KALRN: variants seen among roughly 807,000 people sequenced by gnomAD.
KALRN encodes the protein kalirin RhoGEF kinase.
A neutral mutation model predicts 353.7 loss-of-function variants in KALRN; 70 were observed. The observed-to-expected ratio is 0.20, with a 90% confidence interval of 0.16 to 0.24. The LOEUF (loss-of-function observed/expected upper bound fraction) is 0.24. KALRN is among the 10% of genes least tolerant of loss of function. The pLI is 1.00. For missense variants in KALRN, 2,791 were observed against 3,756.7 expected (o/e 0.74, Z 6.72); for synonymous variants, 1,391 against 1,434.8 (o/e 0.97, Z 0.69).
At chr3:124,623,399 T>TACACACACACACACACAC (rs372330681) in intron 34 of KALRN, among the ~76,000 whole-genome samples, 4,242 of 136,424 alleles carry the variant, frequency 0.031, 213 homozygotes, top group African/African-American at 0.097. Flanking sequence ...TATTTATTTA[T>TACACACACACACACACAC]ACACACACAC....
chr3:124,099,617 G>GT (rs2061698451), intron 1 of KALRN, among the ~76,000 whole-genome samples: 1 of 152,144 alleles, frequency 6.6e-6, no homozygotes, highest in Admixed American at 6.5e-5. Context: ...TCTATTTTTA[G>GT]TTTTTATGAG....
At chr3:124,231,783 A>T (rs1406268936) in intron 2 of KALRN, among the ~76,000 whole-genome samples, 1 of 151,936 alleles carries the variant, frequency 6.6e-6, no homozygotes, top group Non-Finnish European at 1.5e-5. Flanking sequence ...TGTGTCTGTG[A>T]TGCATATCCA....
At chr3:124,609,387 TG>T in intron 34 of KALRN, among the ~76,000 whole-genome samples, 1 of 152,290 alleles carries the variant, frequency 6.6e-6, no homozygotes, top group Admixed American at 6.5e-5. Context: ...CCTGATAGTT[TG>T]GGGGTCTCTG....
intron 34 of KALRN, among the ~76,000 whole-genome samples, chr3:124,573,591 T>C (rs1240358991): frequency 6.6e-6 from 1 of 152,130 alleles, no homozygotes; most frequent in Non-Finnish European, 1.5e-5. Context: ...AGCCTTGACC[T>C]CCCAGGTTCA....
At chr3:124,691,491 C>A (rs1205783699) in intron 51 of KALRN, among the ~76,000 whole-genome samples, 1 of 151,966 alleles carries the variant, frequency 6.6e-6, no homozygotes, top group Non-Finnish European at 1.5e-5. Context: ...ATTTGGGAAG[C>A]CCACATAAGA....
At chr3:124,399,789 G>A (rs2090629617) in intron 13 of KALRN, among the ~76,000 whole-genome samples, 1 of 152,118 alleles carries the variant, frequency 6.6e-6, no homozygotes, top group Non-Finnish European at 1.5e-5. Flanking sequence ...GTAAATTTAT[G>A]TCCCCTTTCT....
intron 2 of KALRN, among the ~76,000 whole-genome samples, chr3:124,229,228 A>G (rs1158620161): frequency 6.6e-6 from 1 of 152,234 alleles, no homozygotes; most frequent in Non-Finnish European, 1.5e-5. Context: ...ACCCTTTAAG[A>G]AAAAGTCCGG....
chr3:124,457,059 TGA>T (rs1362915217), intron 23 of KALRN, among the ~76,000 whole-genome samples: 2 of 135,526 alleles, frequency 1.5e-5, no homozygotes, highest in African/African-American at 5.1e-5. Flanking sequence ...TTCTGCCTTC[TGA>T]TTTTTTTTTT....
chr3:124,336,755 C>G (rs1355988927), intron 9 of KALRN, among the ~76,000 whole-genome samples: 1 of 152,176 alleles, frequency 6.6e-6, no homozygotes, highest in Non-Finnish European at 1.5e-5. Flanking sequence ...TCATCACTTT[C>G]TTGTTTGTAA....
At chr3:124,355,559 G>C (rs1006527771) in intron 10 of KALRN, among the ~76,000 whole-genome samples, 1 of 152,080 alleles carries the variant, frequency 6.6e-6, no homozygotes, top group Non-Finnish European at 1.5e-5. Context: ...GCTTAATTCA[G>C]GTGTAACTTC....
chr3:124,459,373 T>C (rs1204950600), intron 23 of KALRN, among the ~76,000 whole-genome samples: 1 of 152,224 alleles, frequency 6.6e-6, no homozygotes, highest in African/African-American at 2.4e-5. Context: ...GAGGTTTTCA[T>C]AAATTGAACT....
rs1423133177 is a variant in KALRN, at chr3:124,611,224, A to AG, written c.5183-21196_5183-21195insG. Among the ~76,000 whole-genome samples, 39 of 152,234 alleles carry AG rather than the reference A, an allele frequency of 2.6e-4. No individual in the cohort carries two copies. The East Asian group carries it at 7.3e-3, about 29-fold the overall frequency. ...AGAATGGGCTCTGTGGGATCTGGGGAAGGACCGCCTAGGTAGAGAGAGAAG... is the reference window on the plus strand; with the variant it reads ...AGAATGGGCTCTGTGGGATCTGGGGAGAGGACCGCCTAGGTAGAGAGAGAAG... On this transcript the variant is annotated intron_variant, in intron 34 of 59. Coordinates refer to ENST00000682506, the MANE Select transcript of KALRN (RefSeq NM_001388419.1).
At chr3:124,286,082 C>CTTTGTTTCTTT (rs1553893894) in intron 5 of KALRN, among the ~76,000 whole-genome samples, 2 of 102,156 alleles carry the variant, frequency 2.0e-5, no homozygotes, top group African/African-American at 3.8e-5. Context: ...TTCTTTCCTT[C>CTTTGTTTCTTT]CTTTCTTTCT....
chr3:124,235,254 G>T (rs1409122628), intron 3 of KALRN, among the ~76,000 whole-genome samples: 1 of 152,152 alleles, frequency 6.6e-6, no homozygotes, highest in Non-Finnish European at 1.5e-5. Flanking sequence ...TGCCCCCAAA[G>T]AGAGTGAAAA....
At chr3:124,291,391 C>A (rs1326187903) in intron 5 of KALRN, among the ~76,000 whole-genome samples, 1 of 151,864 alleles carries the variant, frequency 6.6e-6, no homozygotes, top group Non-Finnish European at 1.5e-5. Context: ...TTTTTTTTTA[C>A]CATAAGAAAC....
chr3:124,447,824 T>C (rs1230359132), intron 21 of KALRN, among the ~76,000 whole-genome samples: 1 of 152,218 alleles, frequency 6.6e-6, no homozygotes, highest in Non-Finnish European at 1.5e-5. Context: ...ACTCTCAATA[T>C]TGGGGAGCCT....
chr3:124,108,643 G>A (rs188725337), intron 1 of KALRN, among the ~76,000 whole-genome samples: 5 of 152,322 alleles, frequency 3.3e-5, no homozygotes, highest in Middle Eastern at 3.4e-3. Flanking sequence ...TTAATTGATT[G>A]TAGCTCTGTT....
chr3:124,306,060 A>G (rs1343568017), intron 6 of KALRN, among the ~76,000 whole-genome samples: 1 of 152,142 alleles, frequency 6.6e-6, no homozygotes, highest in East Asian at 1.9e-4. Context: ...ACAGAATATC[A>G]GTAAAGACAT....
chr3:124,680,726 G>A (rs1386168170), intron 51 of KALRN, among the ~76,000 whole-genome samples: 1 of 152,200 alleles, frequency 6.6e-6, no homozygotes, highest in Non-Finnish European at 1.5e-5. Context: ...CAGGCCCGAG[G>A]CAATCGGCTG....
Sources: gnomAD v4.1 joint callset for allele counts (sites outside exome capture counted in the v4.1 genomes callset) on GRCh38, gnomAD v4.1.1 for gene constraint, MANE v1.5 for transcripts, NCBI Gene and HGNC (gene_info 2026-07-23, HGNC 2026-07-21) for gene names.